The following PSMB7 variants were observed in gnomAD, a reference collection of about 807,000 sequenced individuals.
PSMB7 encodes the protein proteasome 20S subunit beta 7.
A neutral mutation model predicts 28.1 loss-of-function variants in PSMB7; 5 were observed. That is an observed-to-expected ratio of 0.18 (90% CI 0.09 to 0.37). The LOEUF is 0.37. Among genes scored for constraint, PSMB7 ranks in the 10% least tolerant of loss-of-function variants. The probability of loss-of-function intolerance (pLI) is 1.00; values close to 1 mark genes in which losing one functional copy is unlikely to be tolerated. For synonymous variants in PSMB7, 122 were observed against 123.7 expected (o/e 0.99, Z 0.09); for missense variants, 275 against 346.2 (o/e 0.79, Z 1.63).
At chr9:124,403,265 C>T (rs1048228287) in intron 5 of PSMB7, among the ~76,000 whole-genome samples, 8 of 152,012 alleles carry the variant, frequency 5.3e-5, no homozygotes, top group African/African-American at 1.9e-4. Context: ...TATCAGCCAC[C>T]TGTAATCCCA....
At chr9:124,377,082 T>C (rs2131155438) in intron 6 of PSMB7, among the ~76,000 whole-genome samples, 1 of 152,372 alleles carries the variant, frequency 6.6e-6, no homozygotes, top group East Asian at 1.9e-4. Flanking sequence ...TGCTATGCGA[T>C]GTTTGTATCC....
rs114793016 is a variant in PSMB7, at chr9:124,361,291, C to T, written c.571-4376G>A. On this transcript the variant is annotated intron_variant, in intron 6 of 7. Coordinates refer to ENST00000259457, the MANE Select transcript of PSMB7 (RefSeq NM_002799.4). Reference sequence around the variant, plus strand: ...TATCTGTTTGTCTCCATCACCGCATCGCACAATGTGTCCCTGGACTCCAAT... The same window carrying T: ...TATCTGTTTGTCTCCATCACCGCATTGCACAATGTGTCCCTGGACTCCAAT... Among the ~76,000 whole-genome samples the T allele has an allele frequency of 3.5e-3, 527 of 152,326 alleles. 2 individuals are homozygous for T. Among genetic ancestry groups the T allele is most frequent in the African/African-American group, 0.011 (466 of 41,586 alleles).
intron 5 of PSMB7, among the ~76,000 whole-genome samples, chr9:124,393,316 C>T (rs1230733782): frequency 6.6e-6 from 1 of 152,192 alleles, no homozygotes; most frequent in Non-Finnish European, 1.5e-5. Flanking sequence ...GCAAGCCAAG[C>T]AATCAGACAA....
At chr9:124,393,717 A>G (rs1320149085) in intron 5 of PSMB7, among the ~76,000 whole-genome samples, 1 of 152,274 alleles carries the variant, frequency 6.6e-6, no homozygotes, top group Non-Finnish European at 1.5e-5. Context: ...CATTGACCTG[A>G]CAGGTTATAA....
At chr9:124,415,291 C>T (rs1831075072) in intron 1 of PSMB7, 73 bp downstream of exon 1, 2 of 1,470,122 alleles carry the variant, frequency 1.4e-6, no homozygotes, top group Admixed American at 1.7e-5. Context: ...TCTCGTATCA[C>T]ACCTTGGCCC....
chr9:124,378,904 G>A (rs1830638156), intron 6 of PSMB7, among the ~76,000 whole-genome samples: 1 of 152,178 alleles, frequency 6.6e-6, no homozygotes. Flanking sequence ...GCCCCAGCAT[G>A]GTTATCACTA....
At chr9:124,374,831 T>TATAA (rs758935596) in intron 6 of PSMB7, among the ~76,000 whole-genome samples, 34 of 151,976 alleles carry the variant, frequency 2.2e-4, no homozygotes, top group East Asian at 1.6e-3. Flanking sequence ...CTCTAAAAAA[T>TATAA]ATAAATAAAT....
chr9:124,414,994 C>A, intron 1 of PSMB7, 59 bp from the exon 2 acceptor site: 1 of 1,183,746 alleles, frequency 8.4e-7, no homozygotes, highest in South Asian at 1.4e-5. Context: ...ACAGCACTGG[C>A]ATGAAAAGTG....
In PSMB7 at chr9:124,356,317, C is replaced by T. The variant is rs909162419; in HGVS notation, c.722+447G>A. The stretch of plus-strand genomic sequence containing the variant: ...TGGCACAACTCCCTGTAGCACAGCA[C>T]ACACACACTAGCTCCCAAGGCCACC... On this transcript the variant is annotated intron_variant, in intron 7 of 7. Coordinates refer to ENST00000259457, the MANE Select transcript of PSMB7 (RefSeq NM_002799.4). The surrounding 1 kb of genome is among the most constrained non-coding windows in gnomAD (Gnocchi z 4.4). Among the ~76,000 whole-genome samples, 91 of 152,302 alleles carry T rather than the reference C, an allele frequency of 6.0e-4. No individual in the cohort carries two copies. The highest frequency in any genetic ancestry group is 2.1e-3 in the African/African-American group (86 of 41,588).
intron 6 of PSMB7, among the ~76,000 whole-genome samples, chr9:124,380,587 G>A (rs1454636841): frequency 3.9e-5 from 6 of 151,922 alleles, no homozygotes; most frequent in Non-Finnish European, 8.8e-5. Context: ...ATCAAACCCA[G>A]GATTTCAGAT....
intron 5 of PSMB7, among the ~76,000 whole-genome samples, chr9:124,392,373 C>T (rs1272140836): frequency 5.3e-5 from 8 of 152,192 alleles, no homozygotes; most frequent in Admixed American, 4.6e-4. Context: ...CATATCACTC[C>T]GAGCTCTGCA....
In PSMB7 at chr9:124,353,541, C is replaced by A. The variant is rs1830355380; in HGVS notation, c.*57G>T. 1.6e-6 allele frequency: 2 copies of A among 1,246,656 alleles called. No individual in the cohort carries two copies. The highest frequency in any genetic ancestry group is 2.4e-5 in the South Asian group (2 of 83,364). 77.2% of individuals were successfully genotyped at this position (1,246,656 alleles called of 1,614,324 possible). A position where few individuals can be genotyped will look rare whatever the true frequency, so the allele number is the denominator to read the frequency against. On this transcript the variant is annotated 3_prime_UTR_variant, in exon 8 of 8. Coordinates refer to ENST00000259457, the MANE Select transcript of PSMB7 (RefSeq NM_002799.4). ...AAACACTAGCCACATGAGTGTCTTA[C>A]TGGGCCTCAATGCTCACCACCTTCC...
At chr9:124,369,589 T>TA (rs1830541742) in intron 6 of PSMB7, among the ~76,000 whole-genome samples, 1 of 152,110 alleles carries the variant, frequency 6.6e-6, no homozygotes, top group South Asian at 2.1e-4. Flanking sequence ...GGATGCTAAT[T>TA]AAAAGGCCAC....
intron 5 of PSMB7, 36 bp from the exon 6 acceptor site, chr9:124,384,692 G>T: frequency 6.3e-7 from 1 of 1,599,916 alleles, no homozygotes; most frequent in Admixed American, 1.7e-5. Context: ...TGTATTTTAT[G>T]ATATCCCAGC....
intron 4 of PSMB7, among the ~76,000 whole-genome samples, chr9:124,406,968 C>A (rs551732328): frequency 6.6e-6 from 1 of 152,200 alleles, no homozygotes; most frequent in Admixed American, 6.5e-5. Flanking sequence ...GCCTGGGCAA[C>A]AGAGTGACAC....
intron 5 of PSMB7, among the ~76,000 whole-genome samples, chr9:124,392,369 A>G (rs1482608835): frequency 6.6e-6 from 1 of 152,014 alleles, no homozygotes; most frequent in African/African-American, 2.4e-5. Context: ...TGGGCATATC[A>G]CTCCGAGCTC....
intron 6 of PSMB7, among the ~76,000 whole-genome samples, chr9:124,373,377 A>G (rs1830580921): frequency 6.6e-6 from 1 of 152,228 alleles, no homozygotes; most frequent in Non-Finnish European, 1.5e-5. Context: ...TTATTGGGGA[A>G]AACTGATACA....
chr9:124,385,361 T>G (rs185923023), intron 5 of PSMB7, among the ~76,000 whole-genome samples: 2 of 152,244 alleles, frequency 1.3e-5, no homozygotes, highest in African/African-American at 4.8e-5. Flanking sequence ...TATTAACGGA[T>G]AGCAAATTTA....
intron 6 of PSMB7, among the ~76,000 whole-genome samples, chr9:124,370,223 CTTTT>C (rs34812724): frequency 6.9e-6 from 1 of 144,454 alleles, no homozygotes; most frequent in South Asian, 2.2e-4. Context: ...GAAAGAGCAC[CTTTT>C]TTTTTTTTTT....
Sources: allele counts gnomAD v4.1 joint callset (sites outside exome capture counted in the v4.1 genomes callset), GRCh38; gene constraint gnomAD v4.1.1; non-coding constraint Gnocchi (gnomAD v3.1); transcripts MANE v1.5; gene names NCBI Gene and HGNC (gene_info 2026-07-23, HGNC 2026-07-21).